Variants in GPC5 observed in about 807,000 individuals in gnomAD.
The protein encoded by GPC5 is glypican-5.
A neutral mutation model predicts 53.9 loss-of-function variants in GPC5; 47 were observed. The observed-to-expected ratio is 0.87, with a 90% CI of 0.69 to 1.11. The LOEUF is 1.11. Among genes scored for constraint, GPC5 ranks in the 50% most tolerant of loss-of-function variants. The pLI, the probability that GPC5 is intolerant of heterozygous loss-of-function variation, is 0.00. For synonymous variants in GPC5, 286 were observed against 263.3 expected, an observed-to-expected ratio of 1.09 and a Z score of -0.84; for missense variants, 748 against 713.1, an observed-to-expected ratio of 1.05 and a Z score of -0.56.
chr13:92,519,338 C>A (rs1271627494), intron 7 of GPC5, among the ~76,000 whole-genome samples: 3 of 152,194 alleles, frequency 2.0e-5, no homozygotes, highest in African/African-American at 7.2e-5. Flanking sequence ...CTTCTCAACA[C>A]CACATCACAC....
chr13:92,249,100 T>C (rs1039478963), intron 7 of GPC5, among the ~76,000 whole-genome samples: 5 of 152,130 alleles, frequency 3.3e-5, no homozygotes, highest in African/African-American at 9.7e-5. Flanking sequence ...TACAGGCATA[T>C]GATATGTAAT....
intron 7 of GPC5, among the ~76,000 whole-genome samples, chr13:92,737,928 G>C (rs1226749740): frequency 2.0e-5 from 3 of 151,308 alleles, no homozygotes; most frequent in African/African-American, 7.3e-5. Flanking sequence ...CACCATGCCT[G>C]CCTAATTTTG....
intron 5 of GPC5, among the ~76,000 whole-genome samples, chr13:91,882,670 G>GGTT (rs369125257): frequency 1.7e-4 from 10 of 59,320 alleles, no homozygotes; most frequent in South Asian, 7.4e-4. Context: ...TGTTTTTTGG[G>GGTT]TTTTTTTTTT....
chr13:91,999,599 G>T (rs557755180), intron 6 of GPC5, among the ~76,000 whole-genome samples: 49 of 152,172 alleles, frequency 3.2e-4, no homozygotes, highest in Non-Finnish European at 3.7e-4. Flanking sequence ...GTAGCAAAAT[G>T]AATACTCAAA....
Position 91,503,817 on chromosome 13 carries a change from A to AATAATCATCATCATC in GPC5, c.325+54897_325+54898insAATCATCATCATCAT, listed in dbSNP as rs1555316221. On this transcript the variant is annotated intron_variant, in intron 2 of 7. Transcript: ENST00000377067. The stretch of plus-strand genomic sequence containing the variant: ...TAATAATAATAATAATAATAATAAT[A>AATAATCATCATCATC]ATCAGGCTGTTGTGGCACATTAGGG... Among the ~76,000 whole-genome samples the AATAATCATCATCATC allele has an allele frequency of 5.1e-3, 748 of 147,418 alleles. 6 individuals carry two copies. Among genetic ancestry groups the AATAATCATCATCATC allele is most frequent in the African/African-American group, 0.018 (722 of 40,100 alleles).
chr13:92,206,117 GTTA>G (rs1452114106), intron 7 of GPC5, among the ~76,000 whole-genome samples: 25 of 143,822 alleles, frequency 1.7e-4, no homozygotes, highest in African/African-American at 5.6e-4. Flanking sequence ...ATTTGTTGTT[GTTA>G]TTGTTGTTGT....
intron 7 of GPC5, among the ~76,000 whole-genome samples, chr13:92,379,574 T>G (rs2043721971): frequency 6.6e-6 from 1 of 151,040 alleles, no homozygotes; most frequent in African/African-American, 2.5e-5. Flanking sequence ...TATTAGTTCC[T>G]CTCTGTGCCC....
chr13:91,436,104 T>A (rs1291056034), intron 1 of GPC5, among the ~76,000 whole-genome samples: 1 of 152,262 alleles, frequency 6.6e-6, no homozygotes, highest in Non-Finnish European at 1.5e-5. Flanking sequence ...TTGCTAGCAG[T>A]CTATCAATTT....
intron 2 of GPC5, among the ~76,000 whole-genome samples, chr13:91,496,300 T>A (rs867820954): frequency 3.9e-4 from 59 of 152,294 alleles, no homozygotes; most frequent in African/African-American, 1.4e-3. Flanking sequence ...AGAAGATAAA[T>A]CAGTATATGG....
intron 7 of GPC5, among the ~76,000 whole-genome samples, chr13:92,319,644 T>C (rs1310499351): frequency 6.6e-6 from 1 of 152,144 alleles, no homozygotes; most frequent in Non-Finnish European, 1.5e-5. Context: ...CTAGTGATAA[T>C]TGATTTTTTG....
chr13:91,990,564 A>G (rs1012405164), intron 6 of GPC5, among the ~76,000 whole-genome samples: 3 of 152,152 alleles, frequency 2.0e-5, no homozygotes, highest in Non-Finnish European at 2.9e-5. Flanking sequence ...TGTTCTTATA[A>G]TTAACTTTTA....
intron 7 of GPC5, among the ~76,000 whole-genome samples, chr13:92,343,556 T>A (rs1305637244): frequency 3.9e-5 from 6 of 152,172 alleles, no homozygotes; most frequent in Non-Finnish European, 8.8e-5. Context: ...GCTATTTAGA[T>A]ATGAATCAGA....
At chr13:91,804,317 A>C (rs1191372361) in intron 5 of GPC5, among the ~76,000 whole-genome samples, 1 of 152,174 alleles carries the variant, frequency 6.6e-6, no homozygotes, top group Non-Finnish European at 1.5e-5. Flanking sequence ...TTTTCCCAAG[A>C]AATATGCAGT....
chr13:92,785,594 G>A (rs547957602), intron 7 of GPC5, among the ~76,000 whole-genome samples: 1 of 152,298 alleles, frequency 6.6e-6, no homozygotes, highest in Admixed American at 6.5e-5. Context: ...AATCAACCTA[G>A]GAATCCATCA....
At chr13:92,709,475 T>G (rs1888066532) in intron 7 of GPC5, 1 of 152,158 alleles carries the variant, frequency 6.6e-6, no homozygotes, top group Non-Finnish European at 1.5e-5. Context: ...AGGAAGCATA[T>G]TTGTTTTACT....
chr13:92,119,072 C>T (rs4573802), intron 6 of GPC5, among the ~76,000 whole-genome samples: 82,950 of 152,004 alleles, frequency 0.55, 24,222 homozygotes, highest in African/African-American at 0.76. Context: ...ATAGGTTTAA[C>T]TGACTCATAG....
intron 2 of GPC5, among the ~76,000 whole-genome samples, chr13:91,609,547 T>A (rs1344715830): frequency 6.6e-6 from 1 of 152,164 alleles, no homozygotes. Context: ...AGGTTTCACA[T>A]AAACCCAGCA....
At position 92,047,864 on chromosome 13, in the gene GPC5, A is replaced by G. The variant is rs199790037; in HGVS notation, c.1402-96966A>G. ...AATTTAGCCGGGCGTGGTGGCATGCACCTGTAATCTCAGCTTCTAGGGAGG... is the reference window on the plus strand; with the variant it reads ...AATTTAGCCGGGCGTGGTGGCATGCGCCTGTAATCTCAGCTTCTAGGGAGG... On this transcript the variant is annotated intron_variant, in intron 6 of 7. Transcript: ENST00000377067. Among the ~76,000 whole-genome samples, 21 of 151,114 alleles carry G rather than the reference A, an allele frequency of 1.4e-4. No individual in the cohort carries two copies. The East Asian group carries it at 2.7e-3, about 20-fold the overall frequency.
intron 2 of GPC5, among the ~76,000 whole-genome samples, chr13:91,459,346 C>T (rs1021830397): frequency 6.6e-6 from 1 of 151,944 alleles, no homozygotes; most frequent in African/African-American, 2.4e-5. Flanking sequence ...ATCTAGTTGT[C>T]TAATCTATCA....
Sources: gnomAD v4.1 joint callset for allele counts (sites outside exome capture counted in the v4.1 genomes callset) on GRCh38, gnomAD v4.1.1 for gene constraint, MANE v1.5 for transcripts, NCBI Gene and HGNC (gene_info 2026-07-23, HGNC 2026-07-21) for gene names.